WWC1: variants seen among roughly 807,000 people sequenced by gnomAD.
The protein encoded by WWC1 is protein KIBRA.
Under a neutral mutation model 138.4 loss-of-function variants are expected in WWC1, and 55 were observed. That is an observed-to-expected ratio of 0.40 (90% CI 0.32 to 0.50). The LOEUF (loss-of-function observed/expected upper bound fraction) is 0.50, where lower values mean the gene tolerates loss of function less well. Ranked by LOEUF, WWC1 falls within the 20% of genes least tolerant of loss-of-function variation. The probability of loss-of-function intolerance (pLI) is 0.72; values close to 1 mark genes in which losing one functional copy is unlikely to be tolerated. For synonymous variants in WWC1, 524 were observed against 564.9 expected, an observed-to-expected ratio of 0.93 and a Z score of 1.03; for missense variants, 1,226 against 1,420.4, an observed-to-expected ratio of 0.86 and a Z score of 2.20.
chr5:168,411,050 C>T (rs1002249963), intron 8 of WWC1, among the ~76,000 whole-genome samples: 4 of 151,412 alleles, frequency 2.6e-5, no homozygotes, highest in Non-Finnish European at 5.9e-5. Context: ...CTCAGCCTCC[C>T]GAGTAGCTGG....
intron 2 of WWC1, among the ~76,000 whole-genome samples, chr5:168,377,597 A>C (rs1272241186): frequency 2.4e-5 from 3 of 126,922 alleles, no homozygotes; most frequent in African/African-American, 7.1e-5. Flanking sequence ...AAAAACAAAT[A>C]ACCCCATTAG....
In WWC1 at chr5:168,414,499, G is replaced by C. The variant is rs548273973; in HGVS notation, c.1093G>C (p.Gly365Arg). ...RFISPRKWTQGEVEQLEMARK... is the reference protein window; with the variant it reads ...RFISPRKWTQREVEQLEMARK... ...CATCAGCCCCCGCAAGTGGACCCAG[G>C]GGGAGGTGGAGCAGCTGGAGATGGC... The change falls in exon 9 of 23, where the codon GGG becomes CGG. Residue 365 changes from glycine to arginine, a missense_variant. Physicochemically the swap from Gly to Arg is moderately radical, Grantham distance 125. Around this residue, in one of 3 missense-constraint regions of WWC1, gnomAD observed 1,016 missense variants for 1,153.9 expected, o/e 0.88. Transcript: ENST00000265293. 9 of 1,559,368 alleles carry C rather than the reference G, an allele frequency of 5.8e-6. No individual in the cohort carries two copies. Among genetic ancestry groups the C allele is most frequent in the South Asian group, 1.2e-5 (1 of 84,850 alleles).
chr5:168,330,244 C>G (rs1554091991), intron 1 of WWC1, among the ~76,000 whole-genome samples: 1 of 152,164 alleles, frequency 6.6e-6, no homozygotes, highest in Non-Finnish European at 1.5e-5. Flanking sequence ...ACAGGAGGGT[C>G]TCGGCAATCG....
intron 21 of WWC1, among the ~76,000 whole-genome samples, chr5:168,467,122 G>C (rs1014441120): frequency 4.6e-5 from 7 of 152,312 alleles, no homozygotes; most frequent in Admixed American, 1.3e-4. Context: ...GCCGGGCATG[G>C]TGGCGGGCGC....
chr5:168,300,123 T>C (rs1233576057), intron 1 of WWC1, among the ~76,000 whole-genome samples: 1 of 137,550 alleles, frequency 7.3e-6, no homozygotes, highest in Non-Finnish European at 1.5e-5. Context: ...GCCAGCTGGC[T>C]GCACACCTTT....
intron 12 of WWC1, 43 bp downstream of exon 12, chr5:168,428,184 A>G (rs1158347210): frequency 2.6e-5 from 41 of 1,580,424 alleles, no homozygotes; most frequent in Non-Finnish European, 3.5e-5. Flanking sequence ...CCTGTAAGCC[A>G]TGAACTCTGA....
At chr5:168,370,192 C>T (rs1158815203) in intron 1 of WWC1, among the ~76,000 whole-genome samples, 2 of 152,164 alleles carry the variant, frequency 1.3e-5, no homozygotes. Context: ...AATCACTGCG[C>T]TGGGCCCCGT....
intron 2 of WWC1, among the ~76,000 whole-genome samples, chr5:168,375,539 T>C (rs1425261181): frequency 6.6e-6 from 1 of 152,142 alleles, no homozygotes; most frequent in Admixed American, 6.5e-5. Context: ...GAAGCAGCAA[T>C]GCAGACAACT....
At chr5:168,463,724 A>G (rs1011052595) in intron 20 of WWC1, among the ~76,000 whole-genome samples, 5 of 152,298 alleles carry the variant, frequency 3.3e-5, no homozygotes, top group African/African-American at 1.2e-4. Context: ...AAAATGAAAG[A>G]GGGAATTTAT....
intron 1 of WWC1, among the ~76,000 whole-genome samples, chr5:168,363,417 A>G (rs1776029959): frequency 6.7e-6 from 1 of 148,830 alleles, no homozygotes; most frequent in African/African-American, 2.5e-5. Context: ...CCAGCTACTC[A>G]GGAGGCTGAG....
At chr5:168,365,722 C>T (rs1475545238) in intron 1 of WWC1, among the ~76,000 whole-genome samples, 1 of 152,184 alleles carries the variant, frequency 6.6e-6, no homozygotes, top group Admixed American at 6.5e-5. Context: ...CTGGCAGAAC[C>T]TACCTGTCTC....
intron 1 of WWC1, among the ~76,000 whole-genome samples, chr5:168,367,533 G>GTGTTAGCCGGGA (rs56106034): frequency 2.8e-5 from 4 of 144,136 alleles, no homozygotes; most frequent in African/African-American, 1.0e-4. Flanking sequence ...GGGTTTCACC[G>GTGTTAGCCGGGA]TGGTCTCGAT....
At chr5:168,441,983 A>G in intron 16 of WWC1, 149 bp downstream of exon 16, 2 of 1,210,272 alleles carry the variant, frequency 1.7e-6, no homozygotes. Context: ...GGAAGGAGAG[A>G]TCTCCACTAA....
chr5:168,395,677 A>G (rs992488225), intron 3 of WWC1, among the ~76,000 whole-genome samples: 11 of 152,302 alleles, frequency 7.2e-5, no homozygotes, highest in African/African-American at 2.6e-4. Context: ...ATCTCTGTAC[A>G]TGGATTCCCT....
At chr5:168,458,316 T>C (rs1306588817) in intron 19 of WWC1, among the ~76,000 whole-genome samples, 1 of 151,960 alleles carries the variant, frequency 6.6e-6, no homozygotes, top group African/African-American at 2.4e-5. Flanking sequence ...AAGCTGGGAG[T>C]CCAACTCCAA....
At chr5:168,376,146 C>T (rs901857615) in intron 2 of WWC1, among the ~76,000 whole-genome samples, 4 of 151,894 alleles carry the variant, frequency 2.6e-5, no homozygotes, top group African/African-American at 9.7e-5. Flanking sequence ...CTCCGCCTCC[C>T]GAGTTCAAAC....
intron 1 of WWC1, among the ~76,000 whole-genome samples, chr5:168,329,748 A>G (rs1290741825): frequency 6.6e-6 from 1 of 152,208 alleles, no homozygotes; most frequent in Non-Finnish European, 1.5e-5. Context: ...GGAATGAGCA[A>G]AACAATAATT....
chr5:168,462,154 C>G (rs1222767944), intron 20 of WWC1, among the ~76,000 whole-genome samples: 2 of 152,328 alleles, frequency 1.3e-5, no homozygotes, highest in South Asian at 4.1e-4. Context: ...GCAGGCCCCC[C>G]ACCTTTCCTG....
chr5:168,355,756 G>A (rs1379921572), intron 1 of WWC1, among the ~76,000 whole-genome samples: 2 of 152,174 alleles, frequency 1.3e-5, no homozygotes, highest in African/African-American at 4.8e-5. Context: ...CGAGTGACAA[G>A]ACTGGATTAA....
Sources: gnomAD v4.1 joint callset for allele counts (sites outside exome capture counted in the v4.1 genomes callset) on GRCh38, gnomAD v4.1.1 for gene constraint, gnomAD v4.1.1 regional missense constraint, MANE v1.5 for transcripts, NCBI Gene and HGNC (gene_info 2026-07-23, HGNC 2026-07-21) for gene names.